PUM3: variants seen among roughly 807,000 people sequenced by gnomAD.
PUM3 encodes the protein pumilio RNA binding family member 3.
In PUM3, 91 loss-of-function variants were observed where a neutral mutation model predicts 84.0. The observed-to-expected ratio is 1.08, with a 90% CI of 0.91 to 1.29. The LOEUF (loss-of-function observed/expected upper bound fraction) is 1.29. Ranked by LOEUF, PUM3 falls within the 50% of genes most tolerant of loss-of-function variation. The probability of loss-of-function intolerance (pLI) is 0.00; values close to 1 mark genes in which losing one functional copy is unlikely to be tolerated. For missense variants in PUM3, 1,067 were observed against 767.5 expected, an observed-to-expected ratio of 1.39 and a Z score of -4.61; for synonymous variants, 321 against 266.7, an observed-to-expected ratio of 1.20 and a Z score of -1.98.
chr9:2,811,729 A>AT, intron 14 of PUM3, 146 bp from the exon 15 acceptor site: 1 of 636,686 alleles, frequency 1.6e-6, no homozygotes, highest in South Asian at 1.9e-5. Flanking sequence ...CATGTAGACA[A>AT]TAAGTGATAC....
chr9:2,822,932 G>A (rs1815705045), intron 12 of PUM3, among the ~76,000 whole-genome samples: 1 of 151,538 alleles, frequency 6.6e-6, no homozygotes, highest in Non-Finnish European at 1.5e-5. Context: ...CAATCACACA[G>A]CATTAATTTT....
At chr9:2,836,567 T>A (rs143051375) in intron 3 of PUM3, among the ~76,000 whole-genome samples, 1 of 152,186 alleles carries the variant, frequency 6.6e-6, no homozygotes, top group Non-Finnish European at 1.5e-5. Context: ...CCTGAATCAA[T>A]TAAAATCAAA....
chr9:2,810,776 A>T (rs1821350487), intron 15 of PUM3, among the ~76,000 whole-genome samples: 1 of 152,144 alleles, frequency 6.6e-6, no homozygotes, highest in African/African-American at 2.4e-5. Flanking sequence ...ACACAAATAA[A>T]CCTACAGGAC....
chr9:2,818,262 G>T (rs368932475), intron 13 of PUM3, among the ~76,000 whole-genome samples: 101 of 152,350 alleles, frequency 6.6e-4, no homozygotes, highest in African/African-American at 2.3e-3. Flanking sequence ...TCAGTTACAG[G>T]AAAGAGATCG....
chr9:2,828,489 C>A, intron 9 of PUM3, 186 bp downstream of exon 9: 2 of 543,706 alleles, frequency 3.7e-6, no homozygotes, highest in Admixed American at 3.3e-5. Context: ...TTATAGGGTA[C>A]AATATCAGAA....
chr9:2,812,130 G>A (rs989776684), intron 14 of PUM3, 90 bp downstream of exon 14: 2 of 1,059,490 alleles, frequency 1.9e-6, no homozygotes, highest in Admixed American at 3.8e-5. Flanking sequence ...TTTTAGAGAG[G>A]GTATGGATGG....
rs555069920 is a variant in PUM3, at chr9:2,834,033, T to C, written c.438A>G (p.Arg146=). 4.1e-5 allele frequency: 66 copies of C among 1,613,208 alleles called. 1 individual carries two copies. The South Asian group carries it at 7.0e-4, about 17-fold the overall frequency. The part of the protein sequence containing the change: ...VRAKQMWEIL[R]RKDCDKEKRV... ...AAGGCATCTTTAGGTAGAATTACCT[T>C]CTTAAAATCTCCCACATCTGCTTTG... Residue 146 remains arginine (R), a splice_region_variant and synonymous_variant, in exon 4 of 18, where the codon AGA becomes AGG. Coordinates refer to ENST00000397885, the MANE Select transcript of PUM3 (RefSeq NM_014878.5).
chr9:2,816,553 C>A (rs765013064), intron 13 of PUM3, among the ~76,000 whole-genome samples: 1 of 152,280 alleles, frequency 6.6e-6, no homozygotes, highest in East Asian at 1.9e-4. Context: ...ATGTGAAGAT[C>A]TATCGCCATG....
chr9:2,809,811 A>G (rs2129788872), intron 16 of PUM3, among the ~76,000 whole-genome samples: 1 of 152,316 alleles, frequency 6.6e-6, no homozygotes, highest in South Asian at 2.1e-4. Context: ...TAAGGCTTAC[A>G]AAAAACCAGA....
chr9:2,807,821 G>C lies in PUM3; in HGVS notation c.1807C>G (p.Leu603Val). Residue 603 changes from leucine (L) to valine (V), a missense_variant, in exon 17 of 18, where the codon CTT becomes GTT. Transcript: ENST00000397885. Reference protein sequence around the residue: ...WASVNRGAIILSSLLQSCDLE... With the variant: ...WASVNRGAIIVSSLLQSCDLE... ...GGCACATGTTATACATACCTAGAAA[G>C]AATAATGGCACCTCGATTTACACTA... The C allele has an allele frequency of 6.2e-7, 1 of 1,604,122 alleles. No individual in the cohort carries two copies. Among genetic ancestry groups the C allele is most frequent in the Non-Finnish European group, 8.5e-7 (1 of 1,173,792 alleles).
chr9:2,806,657 A>G lies in PUM3; in HGVS notation c.1814+1157T>C, dbSNP rs180739178. Among the ~76,000 whole-genome samples the G allele has an allele frequency of 4.6e-5, 7 of 152,298 alleles. No homozygotes were observed. In the East Asian group the frequency reaches 1.2e-3, roughly 25 times the overall value. On this transcript the variant is annotated intron_variant, in intron 17 of 17. Coordinates refer to ENST00000397885, the MANE Select transcript of PUM3 (RefSeq NM_014878.5). ...AGGTTTTCATCTGCACAGAGAATGT[A>G]TGGAAAATTTCAATGATTTGTGGAT... is the stretch of plus-strand genomic sequence containing the variant.
chr9:2,815,539 CTT>C (rs1251060005), intron 13 of PUM3, among the ~76,000 whole-genome samples: 1 of 152,230 alleles, frequency 6.6e-6, no homozygotes, highest in Non-Finnish European at 1.5e-5. Flanking sequence ...CCATTAAACT[CTT>C]TGCATATTAA....
At chr9:2,836,575 A>T (rs1816127086) in intron 3 of PUM3, among the ~76,000 whole-genome samples, 1 of 152,196 alleles carries the variant, frequency 6.6e-6, no homozygotes, top group Non-Finnish European at 1.5e-5. Flanking sequence ...AATTAAAATC[A>T]AATCTGTCAT....
chr9:2,820,189 C>T (rs1184332876), intron 12 of PUM3, 91 bp from the exon 13 acceptor site: 4 of 482,336 alleles, frequency 8.3e-6, no homozygotes, highest in East Asian at 3.4e-5. Flanking sequence ...AAAGGTAGAG[C>T]GAGACTCCGC....
chr9:2,821,818 TG>T (rs762204254), intron 12 of PUM3, among the ~76,000 whole-genome samples: 34 of 152,206 alleles, frequency 2.2e-4, no homozygotes, highest in Middle Eastern at 3.2e-3. Flanking sequence ...ATATATTCAC[TG>T]GGGTACTAAT....
intron 12 of PUM3, among the ~76,000 whole-genome samples, chr9:2,822,149 C>G (rs1432089305): frequency 6.6e-6 from 1 of 152,050 alleles, no homozygotes; most frequent in Non-Finnish European, 1.5e-5. Flanking sequence ...ACAGACAAAT[C>G]CACAAGTATA....
intron 13 of PUM3, among the ~76,000 whole-genome samples, chr9:2,814,159 G>A (rs1821423927): frequency 6.6e-6 from 1 of 152,114 alleles, no homozygotes; most frequent in South Asian, 2.1e-4. Flanking sequence ...TACAGAACTT[G>A]TTACAAGGCA....
At chr9:2,809,956 C>T (rs560943781) in intron 16 of PUM3, among the ~76,000 whole-genome samples, 1 of 152,120 alleles carries the variant, frequency 6.6e-6, no homozygotes, top group South Asian at 2.1e-4. Context: ...AAATGTCATG[C>T]CTTTCTACTG....
chr9:2,834,193 T>A (rs2129873917), intron 3 of PUM3, 27 bp from the exon 4 acceptor site: 1 of 1,596,284 alleles, frequency 6.3e-7, no homozygotes, highest in Non-Finnish European at 8.6e-7. Context: ...TTATTTTCAA[T>A]TACATTTAAC....
Sources: gnomAD v4.1 joint callset for allele counts (sites outside exome capture counted in the v4.1 genomes callset) on GRCh38, gnomAD v4.1.1 for gene constraint, MANE v1.5 for transcripts, NCBI Gene and HGNC (gene_info 2026-07-23, HGNC 2026-07-21) for gene names.